Variants in DLGAP2 observed in about 807,000 individuals in gnomAD.
DLGAP2 encodes the protein disks large-associated protein 2.
In DLGAP2, 26 loss-of-function variants were observed where a neutral mutation model predicts 100.3. The observed-to-expected ratio is 0.26, with a 90% CI of 0.19 to 0.36. DLGAP2 has a LOEUF of 0.36. Ranked by LOEUF, DLGAP2 falls within the 10% of genes least tolerant of loss-of-function variation. DLGAP2 has a pLI of 1.00. For missense variants in DLGAP2, 1,858 were observed against 1,453.2 expected (o/e 1.28, Z -4.53); for synonymous variants, 886 against 630.1 (o/e 1.41, Z -6.08).
intron 3 of DLGAP2, among the ~76,000 whole-genome samples, chr8:1,327,349 T>G (rs1801045371): frequency 1.3e-5 from 2 of 152,224 alleles, no homozygotes; most frequent in African/African-American, 4.8e-5. Context: ...GGGTTTCATG[T>G]AAAAGGTCAT....
intron 2 of DLGAP2, among the ~76,000 whole-genome samples, chr8:1,073,323 T>A (rs1585034790): frequency 6.6e-6 from 1 of 152,300 alleles, no homozygotes; most frequent in East Asian, 1.9e-4. Context: ...AATCATTTGT[T>A]TTACTAAATT....
At chr8:1,165,510 C>T (rs1172825986) in intron 2 of DLGAP2, among the ~76,000 whole-genome samples, 1 of 152,188 alleles carries the variant, frequency 6.6e-6, no homozygotes, top group Admixed American at 6.5e-5. Flanking sequence ...TACATTTGCT[C>T]ATCAGATGGT....
chr8:1,032,339 C>T (rs1801999541), intron 2 of DLGAP2, among the ~76,000 whole-genome samples: 1 of 152,212 alleles, frequency 6.6e-6, no homozygotes, highest in African/African-American at 2.4e-5. Context: ...TGGGACAGTG[C>T]CGTCTGCCTG....
At chr8:1,559,458 G>T (rs986842324) in intron 5 of DLGAP2, among the ~76,000 whole-genome samples, 1 of 152,124 alleles carries the variant, frequency 6.6e-6, no homozygotes, top group African/African-American at 2.4e-5. Context: ...TTTGGAATGG[G>T]GATTTGGTAC....
intron 2 of DLGAP2, among the ~76,000 whole-genome samples, chr8:1,087,606 C>T (rs1191746741): frequency 1.3e-5 from 2 of 150,594 alleles, no homozygotes; most frequent in Non-Finnish European, 3.0e-5. Flanking sequence ...TAGGCTGTCT[C>T]CTTTGGCTGT....
At chr8:1,588,500 T>G (rs6558488) in intron 6 of DLGAP2, among the ~76,000 whole-genome samples, 1 of 152,030 alleles carries the variant, frequency 6.6e-6, no homozygotes, top group African/African-American at 2.4e-5. Flanking sequence ...GATGCCTAAT[T>G]TATGAATTTT....
In DLGAP2 at chr8:1,095,352, G is replaced by A. The variant is rs116271623; in HGVS notation, c.74-163499G>A. On this transcript the variant is annotated intron_variant, in intron 2 of 14. Transcript: ENST00000637795. Reference sequence around the variant, plus strand: ...CCTGCCCTCTGCAGACCCTGGACACGAGGCTGGTCCCACCCCTGTCCGCAG... The same window carrying A: ...CCTGCCCTCTGCAGACCCTGGACACAAGGCTGGTCCCACCCCTGTCCGCAG... Among the ~76,000 whole-genome samples the A allele has an allele frequency of 2.3e-3, 348 of 152,278 alleles. 1 individual carries two copies. Among genetic ancestry groups the A allele is most frequent in the African/African-American group, 7.7e-3 (321 of 41,568 alleles).
chr8:885,667 G>A (rs1206577182), intron 1 of DLGAP2, among the ~76,000 whole-genome samples: 1 of 152,196 alleles, frequency 6.6e-6, no homozygotes, highest in Non-Finnish European at 1.5e-5. Flanking sequence ...ATTTGAATAA[G>A]AGTGATGAGA....
At chr8:1,126,916 C>A (rs2129048487) in intron 2 of DLGAP2, among the ~76,000 whole-genome samples, 1 of 151,884 alleles carries the variant, frequency 6.6e-6, no homozygotes, top group African/African-American at 2.4e-5. Context: ...TGAGGCAGGG[C>A]CCTCGCTTGT....
intron 3 of DLGAP2, among the ~76,000 whole-genome samples, chr8:1,468,788 C>T (rs1230070485): frequency 6.6e-6 from 1 of 152,214 alleles, no homozygotes; most frequent in African/African-American, 2.4e-5. Flanking sequence ...CCACTGCAGG[C>T]TCTGAAAACC....
intron 2 of DLGAP2, among the ~76,000 whole-genome samples, chr8:973,854 C>A (rs1035974191): frequency 4.7e-5 from 1 of 21,224 alleles, no homozygotes; most frequent in Non-Finnish European, 9.2e-5. Flanking sequence ...CGGGCGGTGG[C>A]GGCTGCGACC....
chr8:1,697,332 A>G (rs1799426668), intron 14 of DLGAP2, 33 bp downstream of exon 14: 3 of 1,559,076 alleles, frequency 1.9e-6, no homozygotes, highest in South Asian at 2.4e-5. Flanking sequence ...GGCTCCCAGC[A>G]AACCCCCTTT....
intron 4 of DLGAP2, among the ~76,000 whole-genome samples, chr8:1,530,714 C>T (rs1407372401): frequency 1.3e-5 from 2 of 152,230 alleles, no homozygotes; most frequent in Admixed American, 6.5e-5. Context: ...TCCATGAAAT[C>T]TTCACAATCC....
At chr8:1,115,949 A>C (rs1027463375) in intron 2 of DLGAP2, among the ~76,000 whole-genome samples, 1 of 152,196 alleles carries the variant, frequency 6.6e-6, no homozygotes, top group African/African-American at 2.4e-5. Context: ...TCTAGAAGGC[A>C]TGAGAGCATC....
At chr8:1,641,961 A>AC (rs947224856) in intron 8 of DLGAP2, among the ~76,000 whole-genome samples, 85 of 78,638 alleles carry the variant, frequency 1.1e-3, no homozygotes, top group African/African-American at 6.3e-3. Flanking sequence ...CACCTGTGTC[A>AC]CCCTCGACCC....
At chr8:820,026 G>A (rs1483796588) in intron 1 of DLGAP2, among the ~76,000 whole-genome samples, 2 of 152,206 alleles carry the variant, frequency 1.3e-5, no homozygotes, top group African/African-American at 4.8e-5. Context: ...GAGAGTTCTT[G>A]TCTACTAAGA....
At chr8:1,149,403 TC>T (rs1024864471) in intron 2 of DLGAP2, among the ~76,000 whole-genome samples, 5 of 152,172 alleles carry the variant, frequency 3.3e-5, no homozygotes, top group Non-Finnish European at 5.9e-5. Context: ...CACCTCGGCC[TC>T]CCAAAGTGCT....
intron 2 of DLGAP2, among the ~76,000 whole-genome samples, chr8:1,080,060 C>A (rs1310153752): frequency 6.6e-6 from 1 of 152,212 alleles, no homozygotes; most frequent in African/African-American, 2.4e-5. Context: ...TGTCCTCAAG[C>A]GTATGATGGG....
At chr8:832,189 T>G (rs1483470152) in intron 1 of DLGAP2, among the ~76,000 whole-genome samples, 1 of 152,250 alleles carries the variant, frequency 6.6e-6, no homozygotes, top group Non-Finnish European at 1.5e-5. Flanking sequence ...TGGTAGTTTC[T>G]TTTGCTGTGC....
Sources: gnomAD v4.1 joint callset for allele counts (sites outside exome capture counted in the v4.1 genomes callset) on GRCh38, gnomAD v4.1.1 for gene constraint, MANE v1.5 for transcripts, NCBI Gene and HGNC (gene_info 2026-07-23, HGNC 2026-07-21) for gene names.